Variants in MME observed in about 807,000 individuals in gnomAD.
MME encodes neprilysin.
MME carries 98 observed loss-of-function variants against 113.2 expected under a neutral mutation model. The observed-to-expected ratio is 0.87, with a 90% CI of 0.74 to 1.02. MME has a LOEUF of 1.02. Among genes scored for constraint, MME ranks in the 50% least tolerant of loss-of-function variants. MME has a pLI of 0.00. For synonymous variants in MME, 292 were observed against 300.6 expected, an observed-to-expected ratio of 0.97 and a Z score of 0.30; for missense variants, 836 against 896.0, an observed-to-expected ratio of 0.93 and a Z score of 0.86.
At chr3:155,114,751 G>T (rs1718456932) in intron 3 of MME, among the ~76,000 whole-genome samples, 1 of 152,150 alleles carries the variant, frequency 6.6e-6, no homozygotes, top group Non-Finnish European at 1.5e-5. Context: ...GGGTGGGAAG[G>T]CTGTGGGACC....
Position 155,093,328 on chromosome 3 carries a change from A to C in MME, c.196+8234A>C, listed in dbSNP as rs188538767. ...AAAAGTCTCTGGAAATAGTAAATCA[A>C]CTGGGAAGTTAAAATTATTTCAGGA... On this transcript the variant is annotated intron_variant, in intron 3 of 22. Transcript: ENST00000360490. 6.9e-3 allele frequency among the ~76,000 whole-genome samples: 1,035 copies of C among 149,868 alleles called. 5 individuals are homozygous for C. Among genetic ancestry groups the C allele is most frequent in the South Asian group, 0.017 (82 of 4,718 alleles).
intron 22 of MME, among the ~76,000 whole-genome samples, chr3:155,178,611 G>A (rs868866929): frequency 2.0e-4 from 31 of 152,134 alleles, no homozygotes; most frequent in African/African-American, 7.2e-4. Flanking sequence ...ACACAGTACA[G>A]CATCTTCCCT....
chr3:155,084,912 C>T, intron 2 of MME, 147 bp from the exon 3 acceptor site: 11 of 474,128 alleles, frequency 2.3e-5, no homozygotes, highest in South Asian at 9.3e-5. Context: ...TTTTTCTAAC[C>T]ACTGACAATG....
chr3:155,051,465 C>T (rs867329070), intron 1 of MME, among the ~76,000 whole-genome samples: 6 of 152,076 alleles, frequency 3.9e-5, no homozygotes, highest in Admixed American at 3.3e-4. Flanking sequence ...CACAATTCTG[C>T]GTGGCAAAGG....
At chr3:155,163,800 T>C (rs1276515536) in intron 17 of MME, among the ~76,000 whole-genome samples, 1 of 152,148 alleles carries the variant, frequency 6.6e-6, no homozygotes, top group African/African-American at 2.4e-5. Flanking sequence ...ATTTTCAGAC[T>C]TGAAAATTAA....
chr3:155,151,110 C>A (rs142504554), intron 16 of MME, among the ~76,000 whole-genome samples: 1 of 151,848 alleles, frequency 6.6e-6, no homozygotes, highest in Non-Finnish European at 1.5e-5. Context: ...ACTCTTTTTT[C>A]TTTTCTCTTT....
chr3:155,125,004 G>T (rs1163615622), intron 8 of MME, among the ~76,000 whole-genome samples: 22 of 152,172 alleles, frequency 1.4e-4, no homozygotes, highest in African/African-American at 2.4e-4. Flanking sequence ...AATGGCAGGC[G>T]CCCCTCCCCC....
chr3:155,064,031 C>G (rs138272978), intron 1 of MME, among the ~76,000 whole-genome samples: 3,623 of 152,104 alleles, frequency 0.024, 53 homozygotes, highest in Non-Finnish European at 0.033. Context: ...TGGCTCATGC[C>G]TGTAATCTCA....
At chr3:155,059,436 ATACT>A (rs1476104476) in intron 1 of MME, among the ~76,000 whole-genome samples, 1 of 152,140 alleles carries the variant, frequency 6.6e-6, no homozygotes, top group African/African-American at 2.4e-5. Flanking sequence ...TATTCCACAA[ATACT>A]TACGAGACTG....
chr3:155,127,087 C>T (rs763108028), intron 8 of MME, among the ~76,000 whole-genome samples: 1 of 151,752 alleles, frequency 6.6e-6, no homozygotes. Flanking sequence ...CATGATTCAT[C>T]GATTTATATT....
intron 4 of MME, among the ~76,000 whole-genome samples, chr3:155,115,876 C>T (rs1241376577): frequency 6.6e-6 from 1 of 152,204 alleles, no homozygotes; most frequent in Admixed American, 6.5e-5. Flanking sequence ...TATATTCTAA[C>T]CTGGCTAAGA....
intron 1 of MME, among the ~76,000 whole-genome samples, chr3:155,073,452 G>A (rs1714646397): frequency 6.6e-6 from 1 of 152,154 alleles, no homozygotes; most frequent in Admixed American, 6.5e-5. Context: ...AGTGCATGAA[G>A]TCTACTAAGC....
In MME at chr3:155,140,240, A is replaced by C. The variant is rs750728450; in HGVS notation, c.905A>C (p.Lys302Thr). 1 of 1,613,062 alleles carries C rather than the reference A, an allele frequency of 6.2e-7. No homozygotes were observed. Among genetic ancestry groups the C allele is most frequent in the Admixed American group, 1.7e-5 (1 of 59,946 alleles). ...DRNDPMLLYN[K>T]MTLAQIQNNF... ...AATGATCCAATGCTTCTGTATAACA[A>C]GATGACATTGGCCCAGATCCAAAAT... is the stretch of plus-strand genomic sequence containing the variant. Residue 302 changes from lysine (K) to threonine (T), a missense_variant, in exon 10 of 23, where the codon AAG becomes ACG. Physicochemically the swap from Lys to Thr is moderately conservative, Grantham distance 78. Coordinates refer to ENST00000360490, the MANE Select transcript of MME (RefSeq NM_007289.4).
chr3:155,112,294 G>A (rs1330256055), intron 3 of MME: 1 of 152,168 alleles, frequency 6.6e-6, no homozygotes, highest in Non-Finnish European at 1.5e-5. Flanking sequence ...CTTTGAAAAT[G>A]CCTGAAATTC....
intron 17 of MME, among the ~76,000 whole-genome samples, chr3:155,161,325 C>G (rs1035208327): frequency 6.6e-6 from 1 of 152,076 alleles, no homozygotes; most frequent in African/African-American, 2.4e-5. Flanking sequence ...TCCAGGTACA[C>G]TCAGTCCTGC....
In MME at chr3:155,181,736, A is replaced by C. The variant is rs1713110327; in HGVS notation, c.*1277A>C. 1 of 152,100 alleles carries C rather than the reference A, an allele frequency of 6.6e-6. No individual in the cohort carries two copies. The allele number at this position is 152,100 out of a possible 1,614,324, so 9.4% of individuals were successfully genotyped here. On this transcript the variant is annotated 3_prime_UTR_variant, in exon 23 of 23. Transcript: ENST00000360490. ...CTGCTTGATAGGAATTCATCTTTTG[A>C]GGCTTCTGTTCCTCTCTTTTCCTGT...
chr3:155,039,323 GA>G (rs1467347031), intron 1 of MME, among the ~76,000 whole-genome samples: 2 of 152,182 alleles, frequency 1.3e-5, no homozygotes, highest in African/African-American at 4.8e-5. Flanking sequence ...AGAGAAGCAA[GA>G]AAGTTGTGGA....
chr3:155,126,269 G>A (rs1719645744), intron 8 of MME, among the ~76,000 whole-genome samples: 2 of 152,088 alleles, frequency 1.3e-5, no homozygotes, highest in South Asian at 4.1e-4. Flanking sequence ...TTATCACCAT[G>A]AACTGGGATG....
intron 5 of MME, 31 bp downstream of exon 5, chr3:155,116,590 GTA>G (rs10522735): frequency 0.086 from 88,742 of 1,028,962 alleles, no homozygotes; most frequent in East Asian, 0.1. Flanking sequence ...TTCATTAGGA[GTA>G]TATATATATA....
Sources: gnomAD v4.1 joint callset for allele counts (sites outside exome capture counted in the v4.1 genomes callset) on GRCh38, gnomAD v4.1.1 for gene constraint, MANE v1.5 for transcripts, NCBI Gene and HGNC (gene_info 2026-07-23, HGNC 2026-07-21) for gene names.